KIAA0408: variants seen among roughly 807,000 people sequenced by gnomAD.
The protein encoded by KIAA0408 is KIAA0408.
Under a neutral mutation model 60.9 loss-of-function variants are expected in KIAA0408, and 51 were observed. The observed-to-expected ratio is 0.84, with a 90% CI of 0.67 to 1.06. The LOEUF is 1.06. Among genes scored for constraint, KIAA0408 ranks in the 50% least tolerant of loss-of-function variants. KIAA0408 has a pLI of 0.00. For missense variants in KIAA0408, 787 were observed against 833.9 expected, an observed-to-expected ratio of 0.94 and a Z score of 0.69; for synonymous variants, 304 against 282.4, an observed-to-expected ratio of 1.08 and a Z score of -0.77.
In KIAA0408 at chr6:127,453,976, G is replaced by A; in HGVS notation, c.6C>T (p.Asp2=). 1.2e-6 allele frequency: 2 copies of A among 1,611,508 alleles called. No homozygotes were observed. Among genetic ancestry groups the A allele is most frequent in the African/African-American group, 1.3e-5 (1 of 74,836 alleles). Residue 2 remains aspartate, a synonymous_variant, in exon 2 of 6, where the codon GAC becomes GAT. Coordinates refer to ENST00000483725, the MANE Select transcript of KIAA0408 (RefSeq NM_014702.5). The stretch of plus-strand genomic sequence containing the variant: ...CTGTGTTCTCCCACTGCTTATGTAG[G>A]TCCATGGCAACAGTGTAAGTGTCAG... M[D]LHKQWENTET...
rs1450061653 is a variant in KIAA0408 at position 127,443,307 on chromosome 6, T to C, written c.*802A>G. ...ATTCATCATTTAATCATGTCATTTA[T>C]AATGCAGTCTCATGATACTGTCTCT... is the stretch of plus-strand genomic sequence containing the variant. On this transcript the variant is annotated 3_prime_UTR_variant, in exon 6 of 6. Coordinates refer to ENST00000483725, the MANE Select transcript of KIAA0408 (RefSeq NM_014702.5). The C allele has an allele frequency of 6.6e-6, 1 of 152,172 alleles. No individual in the cohort carries two copies. The highest frequency in any genetic ancestry group is 1.5e-5 in the Non-Finnish European group (1 of 68,018). 9.4% of individuals were successfully genotyped at this position (152,172 alleles called of 1,614,324 possible).
Position 127,450,112 on chromosome 6 carries a change from T to C in KIAA0408, c.376A>G (p.Lys126Glu). 1 of 1,614,108 alleles carries C rather than the reference T, an allele frequency of 6.2e-7. No homozygotes were observed. The highest frequency in any genetic ancestry group is 8.5e-7 in the Non-Finnish European group (1 of 1,179,968). The change falls in exon 3 of 6, where the codon AAA (lysine) becomes GAA (glutamate). Residue 126 changes from lysine (K) to glutamate (E), a missense_variant. Lys to Glu is a moderately conservative substitution (Grantham distance 56). This residue lies in a region of KIAA0408 where 640 missense variants were observed against 681.3 expected (regional missense o/e 0.94). Transcript: ENST00000483725. ...NQMCKEQKAT[K>E]KSKVGFLDPL... Reference sequence around the variant, plus strand: ...TCCAAAAACCCTACTTTTGATTTTTTTGTTGCTTTTTGTTCCTTACACATT... The same window carrying C: ...TCCAAAAACCCTACTTTTGATTTTTCTGTTGCTTTTTGTTCCTTACACATT...
rs1018942675 is a variant in KIAA0408, at chr6:127,441,624, A to G, written c.*2485T>C. ...AAGTCCCTTTAAATCTAGCAATGAT[A>G]GCATAATAAAGGGCATATTCTAGGG... On this transcript the variant is annotated 3_prime_UTR_variant, in exon 6 of 6. Coordinates refer to ENST00000483725, the MANE Select transcript of KIAA0408 (RefSeq NM_014702.5). The G allele has an allele frequency of 1.3e-5, 2 of 152,234 alleles. No homozygotes were observed. The highest frequency in any genetic ancestry group is 2.9e-5 in the Non-Finnish European group (2 of 68,046). The allele number at this position is 152,234 out of a possible 1,614,324, so 9.4% of individuals were successfully genotyped here. A position where few individuals can be genotyped will look rare whatever the true frequency, so the allele number is the denominator to read the frequency against.
chr6:127,450,271 T>C lies in KIAA0408; in HGVS notation c.217A>G (p.Ile73Val), dbSNP rs961756197. 33 of 1,613,870 alleles carry C rather than the reference T, an allele frequency of 2.0e-5. No homozygotes were observed. Among genetic ancestry groups the C allele is most frequent in the Non-Finnish European group, 2.8e-5 (33 of 1,179,936 alleles). Residue 73 changes from isoleucine to valine, a missense_variant, in exon 3 of 6, where the codon ATT (isoleucine) becomes GTT (valine). This residue lies in a region of KIAA0408 where 640 missense variants were observed against 681.3 expected (regional missense o/e 0.94). Transcript: ENST00000483725. ...KIIDLYHEKT[I>V]PEKVIESSPN... ...GAAGATTCTATCACTTTCTCTGGAA[T>C]GGTCTTCTCATGGTAAAGATCAATG...
chr6:127,444,356 C>A, intron 5 of KIAA0408, 74 bp from the exon 6 acceptor site: 1 of 1,139,812 alleles, frequency 8.8e-7, no homozygotes, highest in Admixed American at 2.8e-5. Flanking sequence ...TGGGTCTCAA[C>A]TATAAGATTA....
intron 1 of KIAA0408, among the ~76,000 whole-genome samples, chr6:127,457,390 C>A (rs755869680): frequency 9.8e-5 from 15 of 152,306 alleles, no homozygotes; most frequent in Non-Finnish European, 2.1e-4. Context: ...TTTTCTCCCA[C>A]AGATACTGGC....
At chr6:127,455,211 T>C (rs977029204) in intron 1 of KIAA0408, among the ~76,000 whole-genome samples, 1 of 152,164 alleles carries the variant, frequency 6.6e-6, no homozygotes, top group African/African-American at 2.4e-5. Flanking sequence ...AAGATAATTA[T>C]GCCTATAAGA....
At chr6:127,453,811 A>G (rs747929457) in intron 2 of KIAA0408, 36 bp downstream of exon 2, 7 of 1,594,658 alleles carry the variant, frequency 4.4e-6, no homozygotes, top group Non-Finnish European at 6.0e-6. Flanking sequence ...CCTGCACTTA[A>G]ACATTACAGT....
In KIAA0408 at chr6:127,453,964, C is replaced by T; in HGVS notation, c.18G>A (p.Gln6=). ...GCCAGTTAGTCTCTGTGTTCTCCCA[C>T]TGCTTATGTAGGTCCATGGCAACAG... is the stretch of plus-strand genomic sequence containing the variant. MDLHK[Q]WENTETNWHK... The change falls in exon 2 of 6, where the codon CAG becomes CAA. Residue 6 remains glutamine, a synonymous_variant. Coordinates refer to ENST00000483725, the MANE Select transcript of KIAA0408 (RefSeq NM_014702.5). The T allele has an allele frequency of 6.2e-7, 1 of 1,612,618 alleles. No homozygotes were observed. The highest frequency in any genetic ancestry group is 8.5e-7 in the Non-Finnish European group (1 of 1,179,016).
At position 127,449,872 on chromosome 6, in the gene KIAA0408, T is replaced by C. The variant is rs1773269756; in HGVS notation, c.528A>G (p.Glu176=). Residue 176 remains glutamate, a synonymous_variant, in exon 4 of 6, where the codon GAA becomes GAG. Transcript: ENST00000483725. ...TTTCCTCTTGAAAGCTGCATAATTC[T>C]TCACTCACCTTCGCAAGTTCTTCAA... ...TALEELAKVS[E]ELCSFQEEIR... 6.2e-7 allele frequency: 1 copy of C among 1,613,980 alleles called. No homozygotes were observed. The highest frequency in any genetic ancestry group is 8.5e-7 in the Non-Finnish European group (1 of 1,179,980).
rs758069275 is a variant in KIAA0408 at position 127,447,022 on chromosome 6, T to C, written c.1297A>G (p.Thr433Ala). ...RNFSCGFERT[T>A]RNEKLAAKTD... ...TTTGCTGCCAGCTTCTCATTCCTTG[T>C]AGTCCTTTCAAAGCCACAACTGAAA... Residue 433 changes from threonine (T) to alanine (A), a missense_variant, in exon 5 of 6, where the codon ACA (threonine) becomes GCA (alanine). Physicochemically the swap from Thr to Ala is moderately conservative, Grantham distance 58 (BLOSUM62 0). Transcript: ENST00000483725. 22 of 1,613,522 alleles carry C rather than the reference T, an allele frequency of 1.4e-5. No individual in the cohort carries two copies. In the East Asian group the frequency reaches 2.5e-4, roughly 18 times the overall value.
Position 127,447,244 on chromosome 6 carries a change from T to C in KIAA0408, c.1075A>G (p.Ser359Gly). Residue 359 changes from serine to glycine, a missense_variant, in exon 5 of 6, where the codon AGC becomes GGC. Physicochemically the swap from Ser to Gly is moderately conservative, Grantham distance 56. Around this residue, in one of 3 missense-constraint regions of KIAA0408, gnomAD observed 640 missense variants for 681.3 expected, o/e 0.94. Coordinates refer to ENST00000483725, the MANE Select transcript of KIAA0408 (RefSeq NM_014702.5). ...KPPSNEDVGL[S>G]MWSCDIGIGA... ...ATCCCAATGTCACATGACCACATGC[T>C]AAGTCCAACATCTTCATTACTTGGA... 4.3e-6 allele frequency: 7 copies of C among 1,613,882 alleles called. No homozygotes were observed. Among genetic ancestry groups the C allele is most frequent in the Non-Finnish European group, 5.9e-6 (7 of 1,179,922 alleles).
chr6:127,449,587 G>T (rs1773263884), intron 4 of KIAA0408, among the ~76,000 whole-genome samples: 1 of 152,154 alleles, frequency 6.6e-6, no homozygotes, highest in African/African-American at 2.4e-5. Flanking sequence ...GGGAGGCAGA[G>T]GCTGCAGTGA....
chr6:127,446,008 T>C (rs946083462), intron 5 of KIAA0408, among the ~76,000 whole-genome samples: 6 of 152,286 alleles, frequency 3.9e-5, no homozygotes, highest in Admixed American at 1.3e-4. Context: ...CAATCATAGT[T>C]AATAACTGAA....
intron 1 of KIAA0408, among the ~76,000 whole-genome samples, chr6:127,456,192 A>C (rs1485445346): frequency 6.6e-6 from 1 of 152,230 alleles, no homozygotes; most frequent in African/African-American, 2.4e-5. Context: ...AAACTAAAAA[A>C]GGATGCAGAC....
rs941014756 is a variant in KIAA0408 at position 127,438,749 on chromosome 6, A to C, written c.*5360T>G. 1 of 152,238 alleles carries C rather than the reference A, an allele frequency of 6.6e-6. No individual in the cohort carries two copies. The highest frequency in any genetic ancestry group is 1.5e-5 in the Non-Finnish European group (1 of 68,046). The allele number at this position is 152,238 out of a possible 1,614,324, so 9.4% of individuals were successfully genotyped here. Reference sequence around the variant, plus strand: ...AAGTATAGCAAAAATATTGTATTATAATCTTATCATCATATATGTGCATTG... The same window carrying C: ...AAGTATAGCAAAAATATTGTATTATCATCTTATCATCATATATGTGCATTG... On this transcript the variant is annotated 3_prime_UTR_variant, in exon 6 of 6. Transcript: ENST00000483725.
intron 1 of KIAA0408, among the ~76,000 whole-genome samples, chr6:127,457,030 G>A (rs953514908): frequency 6.6e-6 from 1 of 150,898 alleles, no homozygotes; most frequent in African/African-American, 2.4e-5. Context: ...GATTATTTTG[G>A]TCTTTATTTT....
intron 4 of KIAA0408, among the ~76,000 whole-genome samples, chr6:127,449,442 G>T (rs968578515): frequency 2.0e-5 from 3 of 152,122 alleles, no homozygotes; most frequent in African/African-American, 4.8e-5. Context: ...TTGAGGTCAG[G>T]AGTTCGAGAC....
chr6:127,451,334 GTATT>G (rs1302374311), intron 2 of KIAA0408: 4 of 455,348 alleles, frequency 8.8e-6, no homozygotes, highest in African/African-American at 2.0e-5. Context: ...AATATACAGT[GTATT>G]TATTTTTCTA....
Sources: allele counts gnomAD v4.1 joint callset (sites outside exome capture counted in the v4.1 genomes callset), GRCh38; gene constraint gnomAD v4.1.1; regional missense constraint gnomAD v4.1.1; transcripts MANE v1.5; gene names NCBI Gene and HGNC (gene_info 2026-07-23, HGNC 2026-07-21).